Variants in MCF2L2 observed in about 807,000 individuals in gnomAD.
MCF2L2 encodes probable guanine nucleotide exchange factor MCF2L2.
MCF2L2 carries 102 observed loss-of-function variants against 150.2 expected under a neutral mutation model. That is an observed-to-expected ratio of 0.68 (90% CI 0.58 to 0.80). The LOEUF (loss-of-function observed/expected upper bound fraction) is 0.80. Among genes scored for constraint, MCF2L2 ranks in the 30% least tolerant of loss-of-function variants. MCF2L2 has a pLI of 0.00. For synonymous variants in MCF2L2, 465 were observed against 491.3 expected, an observed-to-expected ratio of 0.95 and a Z score of 0.71; for missense variants, 1,256 against 1,372.8, an observed-to-expected ratio of 0.91 and a Z score of 1.34.
chr3:183,348,807 T>A (rs2108549850), intron 3 of MCF2L2, among the ~76,000 whole-genome samples: 1 of 151,908 alleles, frequency 6.6e-6, no homozygotes, highest in East Asian at 1.9e-4. Context: ...GGCCTTTTTA[T>A]CAGGAAGACA....
intron 1 of MCF2L2, among the ~76,000 whole-genome samples, chr3:183,394,872 G>C (rs1714351154): frequency 6.6e-6 from 1 of 152,188 alleles, no homozygotes; most frequent in African/African-American, 2.4e-5. Flanking sequence ...GAACCTCAGG[G>C]AGTGAAGCAG....
At chr3:183,314,215 G>A (rs1485744821) in intron 7 of MCF2L2, among the ~76,000 whole-genome samples, 1 of 152,210 alleles carries the variant, frequency 6.6e-6, no homozygotes, top group African/African-American at 2.4e-5. Context: ...GAAGTCGGGA[G>A]CACTCTCTGA....
intron 1 of MCF2L2, among the ~76,000 whole-genome samples, chr3:183,406,436 A>T (rs1335576398): frequency 6.6e-6 from 1 of 152,154 alleles, no homozygotes; most frequent in Non-Finnish European, 1.5e-5. Flanking sequence ...ACTCAGCTTG[A>T]GAGTTCTTTT....
Position 183,267,846 on chromosome 3 carries a change from C to G in MCF2L2, c.1862+9026G>C, listed in dbSNP as rs1726310780. 1.3e-5 allele frequency among the ~76,000 whole-genome samples: 2 copies of G among 152,198 alleles called. No homozygotes were observed. Among genetic ancestry groups the G allele is most frequent in the South Asian group, 4.1e-4 (2 of 4,828 alleles). ...CCTGGCTAGGGTCCTGACCTCCAAT[C>G]CTTCCCCAGTAACCATCACTTTGAG... is the stretch of plus-strand genomic sequence containing the variant. On this transcript the variant is annotated intron_variant, in intron 15 of 29. Coordinates refer to ENST00000328913, the MANE Select transcript of MCF2L2 (RefSeq NM_015078.4). The surrounding 1 kb of genome is among the most constrained non-coding windows in gnomAD (Gnocchi z 5.5).
intron 3 of MCF2L2, among the ~76,000 whole-genome samples, chr3:183,362,979 G>A (rs58873723): frequency 0.24 from 36,439 of 151,892 alleles, 5,428 homozygotes; most frequent in African/African-American, 0.42. Context: ...ATTTAAAAAT[G>A]GGCAAAAGAC....
At chr3:183,228,154 C>A in intron 18 of MCF2L2, 143 bp downstream of exon 18, 1 of 617,836 alleles carries the variant, frequency 1.6e-6, no homozygotes, top group Non-Finnish European at 2.9e-6. Flanking sequence ...TTTTTATTTA[C>A]CAATTATACT....
At chr3:183,372,446 C>T (rs1305779857) in intron 3 of MCF2L2, 2 of 152,188 alleles carry the variant, frequency 1.3e-5, no homozygotes, top group African/African-American at 2.4e-5. Flanking sequence ...TTAAATAGGT[C>T]CCTCAACAGA....
At chr3:183,223,041 G>A (rs184842828) in intron 20 of MCF2L2, among the ~76,000 whole-genome samples, 3 of 152,228 alleles carry the variant, frequency 2.0e-5, no homozygotes, top group African/African-American at 7.2e-5. Context: ...AGTAACTTTG[G>A]GGAAAATCAC....
chr3:183,238,643 G>A (rs1015321533), intron 15 of MCF2L2, among the ~76,000 whole-genome samples: 29 of 151,428 alleles, frequency 1.9e-4, no homozygotes, highest in East Asian at 5.9e-4. Context: ...TTCTTCCAGC[G>A]TGGCCCAGGA....
At chr3:183,360,968 GAAAAGAAAAGAA>G (rs1712112849) in intron 3 of MCF2L2, among the ~76,000 whole-genome samples, 1 of 56,142 alleles carries the variant, frequency 1.8e-5, no homozygotes. Flanking sequence ...GAAAAGAAAA[GAAAAGAAAAGAA>G]AAGAAAAGAA....
At chr3:183,366,091 C>T (rs1712504709) in intron 3 of MCF2L2, among the ~76,000 whole-genome samples, 1 of 152,006 alleles carries the variant, frequency 6.6e-6, no homozygotes, top group Non-Finnish European at 1.5e-5. Context: ...CTAAGAAAGA[C>T]TTTATGCAGG....
At chr3:183,303,086 C>T (rs371343170) in intron 10 of MCF2L2, among the ~76,000 whole-genome samples, 5 of 151,516 alleles carry the variant, frequency 3.3e-5, no homozygotes, top group African/African-American at 4.9e-5. Flanking sequence ...CCCAGCTACT[C>T]GGGAGGCTGA....
intron 5 of MCF2L2, among the ~76,000 whole-genome samples, chr3:183,336,122 A>G (rs532550644): frequency 9.2e-5 from 14 of 152,244 alleles, no homozygotes; most frequent in Non-Finnish European, 1.9e-4. Context: ...GTATTTTATT[A>G]TAGCGGCACG....
intron 11 of MCF2L2, chr3:183,299,094 T>A (rs1294874973): frequency 6.6e-6 from 1 of 152,396 alleles, no homozygotes; most frequent in Non-Finnish European, 1.5e-5. Context: ...CTGCTCCTGC[T>A]GACTGGGAAC....
chr3:183,340,861 C>T (rs972139486), intron 4 of MCF2L2, among the ~76,000 whole-genome samples: 6 of 152,118 alleles, frequency 3.9e-5, no homozygotes, highest in African/African-American at 9.7e-5. Context: ...GAGAATCTCT[C>T]GAACCCGGGA....
intron 3 of MCF2L2, among the ~76,000 whole-genome samples, chr3:183,351,597 A>G (rs563327780): frequency 3.3e-5 from 5 of 152,272 alleles, no homozygotes; most frequent in Non-Finnish European, 5.9e-5. Context: ...CCAAGCACTA[A>G]TATGATTGTC....
chr3:183,394,195 G>C (rs929651258), intron 1 of MCF2L2, among the ~76,000 whole-genome samples: 5 of 152,166 alleles, frequency 3.3e-5, no homozygotes, highest in Non-Finnish European at 7.3e-5. Context: ...CTCAACAACT[G>C]AGTTTGCAAC....
chr3:183,379,331 G>A lies in MCF2L2; in HGVS notation c.241C>T (p.Leu81=), dbSNP rs755188866. ...GFKHIPDEDF[L]NVMTYLTSIP... Reference sequence around the variant, plus strand: ...CTAGTCAGGTAGGTCATGACATTCAGGAAGTCTTCATCTGGGATGTGTTTG... The same window carrying A: ...CTAGTCAGGTAGGTCATGACATTCAAGAAGTCTTCATCTGGGATGTGTTTG... Residue 81 remains leucine (L), a synonymous_variant, in exon 3 of 30, where the codon CTG becomes TTG. Transcript: ENST00000328913. The A allele has an allele frequency of 1.2e-5, 19 of 1,611,272 alleles. No individual in the cohort carries two copies. Among genetic ancestry groups the A allele is most frequent in the Non-Finnish European group, 1.5e-5 (18 of 1,178,936 alleles).
intron 4 of MCF2L2, among the ~76,000 whole-genome samples, 185 bp from the exon 5 acceptor site, chr3:183,339,104 C>A (rs1040433145): frequency 6.6e-6 from 1 of 152,054 alleles, no homozygotes. Context: ...ATAATCCTAA[C>A]CCCTCCTAAA....
Sources: allele counts gnomAD v4.1 joint callset (sites outside exome capture counted in the v4.1 genomes callset), GRCh38; gene constraint gnomAD v4.1.1; non-coding constraint Gnocchi (gnomAD v3.1); transcripts MANE v1.5; gene names NCBI Gene and HGNC (gene_info 2026-07-23, HGNC 2026-07-21).